SLCO5A1: variants seen among roughly 807,000 people sequenced by gnomAD.
SLCO5A1 encodes the protein organic anion transporter polypeptide-related protein 4.
In SLCO5A1, 39 loss-of-function variants were observed where a neutral mutation model predicts 65.1. That is an observed-to-expected ratio of 0.60 (90% CI 0.46 to 0.78). SLCO5A1 has a LOEUF of 0.78. Among genes scored for constraint, SLCO5A1 ranks in the 30% least tolerant of loss-of-function variants. The probability of loss-of-function intolerance (pLI) is 0.00; values close to 1 mark genes in which losing one functional copy is unlikely to be tolerated. For missense variants in SLCO5A1, 1,029 were observed against 1,069.4 expected, an observed-to-expected ratio of 0.96 and a Z score of 0.53; for synonymous variants, 438 against 415.7, an observed-to-expected ratio of 1.05 and a Z score of -0.65.
intron 2 of SLCO5A1, among the ~76,000 whole-genome samples, chr8:69,779,931 A>T (rs1226868575): frequency 2.0e-5 from 3 of 152,178 alleles, no homozygotes; most frequent in Non-Finnish European, 4.4e-5. Flanking sequence ...GATATCCAGA[A>T]TTTATAAGGA....
chr8:69,692,701 A>C (rs1471118929), intron 6 of SLCO5A1, among the ~76,000 whole-genome samples: 2 of 152,142 alleles, frequency 1.3e-5, no homozygotes, highest in Non-Finnish European at 2.9e-5. Context: ...CTACACCTAC[A>C]CAGGGTCAGG....
At chr8:69,735,763 A>G (rs925440564) in intron 5 of SLCO5A1, among the ~76,000 whole-genome samples, 2 of 152,202 alleles carry the variant, frequency 1.3e-5, no homozygotes, top group African/African-American at 4.8e-5. Context: ...GCAAACCACC[A>G]TGGCACACGT....
chr8:69,832,661 T>C lies in SLCO5A1; in HGVS notation c.13A>G (p.Thr5Ala), dbSNP rs1424390783. The C allele has an allele frequency of 6.2e-7, 1 of 1,601,246 alleles. No homozygotes were observed. Among genetic ancestry groups the C allele is most frequent in the Non-Finnish European group, 8.5e-7 (1 of 1,178,800 alleles). The stretch of plus-strand genomic sequence containing the variant: ...TCTCCCGCCCCGGGCTGCAGTCCAG[T>C]GCCTTCGTCCATGGCGCTTAGAATT... Reference protein sequence around the residue: MDEGTGLQPGAGEQL... With the variant: MDEGAGLQPGAGEQL... The change falls in exon 2 of 10, where the codon ACT (threonine) becomes GCT (alanine). Residue 5 changes from threonine to alanine, a missense_variant. This residue lies in a region of SLCO5A1 where 647 missense variants were observed against 647.5 expected (regional missense o/e 1.00). Transcript: ENST00000260126. The surrounding 1 kb of genome is among the most constrained non-coding windows in gnomAD (Gnocchi z 4.5).
At chr8:69,683,720 G>A (rs1289220375) in intron 6 of SLCO5A1, among the ~76,000 whole-genome samples, 1 of 152,040 alleles carries the variant, frequency 6.6e-6, no homozygotes, top group East Asian at 1.9e-4. Flanking sequence ...CTGCCACCAT[G>A]CCCGGCTAAT....
At chr8:69,697,990 G>A (rs1243640093) in intron 6 of SLCO5A1, among the ~76,000 whole-genome samples, 1 of 152,070 alleles carries the variant, frequency 6.6e-6, no homozygotes. Context: ...TACTCAATGG[G>A]CAGTTTTTCC....
At chr8:69,801,749 A>C (rs1332503148) in intron 2 of SLCO5A1, among the ~76,000 whole-genome samples, 2 of 152,194 alleles carry the variant, frequency 1.3e-5, no homozygotes, top group Non-Finnish European at 2.9e-5. Context: ...CCTGGTCAAA[A>C]AAATCAGTAG....
At position 69,682,272 on chromosome 8, in the gene SLCO5A1, T is replaced by C. The variant is rs1212777721; in HGVS notation, c.1694A>G (p.Glu565Gly). 35 of 1,612,430 alleles carry C rather than the reference T, an allele frequency of 2.2e-5. No individual in the cohort carries two copies. In the Admixed American group the frequency reaches 5.9e-4, roughly 27 times the overall value. Residue 565 changes from glutamate (E) to glycine (G), a missense_variant, in exon 7 of 10, where the codon GAG (glutamate) becomes GGG (glycine). Physicochemically the swap from Glu to Gly is moderately conservative, Grantham distance 98 (BLOSUM62 -2). Coordinates refer to ENST00000260126, the MANE Select transcript of SLCO5A1 (RefSeq NM_030958.3). Reference protein sequence around the residue: ...CNVNCGCKIHEYEPVCGSDGI... With the variant: ...CNVNCGCKIHGYEPVCGSDGI... ...ATCTGATCCACAGACTGGCTCATAC[T>C]CGTGTATTTTACAACCACAATTAAC...
chr8:69,824,505 G>A (rs1414008821), intron 2 of SLCO5A1, among the ~76,000 whole-genome samples: 20 of 152,216 alleles, frequency 1.3e-4, no homozygotes, highest in Admixed American at 3.9e-4. Context: ...ACACCTCTCC[G>A]CAAATAAACT....
chr8:69,670,157 A>G lies in SLCO5A1; in HGVS notation c.*2712T>C, dbSNP rs146941225. On this transcript the variant is annotated 3_prime_UTR_variant, in exon 10 of 10. Transcript: ENST00000260126. ...TATTTGCATATTAAAGCTAAATAAT[A>G]TATGAATTTACAGTTTATAAAGGAC... is the stretch of plus-strand genomic sequence containing the variant. The G allele has an allele frequency of 4.6e-5, 7 of 152,366 alleles. No homozygotes were observed. Among genetic ancestry groups the G allele is most frequent in the African/African-American group, 1.4e-4 (6 of 41,594 alleles). 9.4% of individuals were successfully genotyped at this position (152,366 alleles called of 1,614,324 possible).
rs183902406 is a variant in SLCO5A1, at chr8:69,717,731, C to T, written c.1424-12502G>A. On this transcript the variant is annotated intron_variant, in intron 5 of 9. Coordinates refer to ENST00000260126, the MANE Select transcript of SLCO5A1 (RefSeq NM_030958.3). ...AATATTAAGTCTTCCAATCCATGAA[C>T]ATGCAATGTCTTTTCATTTATTTAC... Among the ~76,000 whole-genome samples the T allele has an allele frequency of 6.5e-3, 992 of 152,278 alleles. 3 individuals are homozygous for T. Among genetic ancestry groups the T allele is most frequent in the Non-Finnish European group, 0.01 (712 of 68,006 alleles).
intron 9 of SLCO5A1, among the ~76,000 whole-genome samples, chr8:69,675,525 C>T (rs780483378): frequency 6.6e-6 from 1 of 152,062 alleles, no homozygotes; most frequent in Non-Finnish European, 1.5e-5. Flanking sequence ...TTCCTTTAAA[C>T]AGCATGTTTT....
intron 2 of SLCO5A1, 33 bp from the exon 3 acceptor site, chr8:69,761,908 G>C: frequency 6.2e-7 from 1 of 1,607,954 alleles, no homozygotes; most frequent in Non-Finnish European, 8.5e-7. Context: ...GTGAAATACA[G>C]CGACGTTTTA....
chr8:69,771,422 T>G (rs1818316466), intron 2 of SLCO5A1, among the ~76,000 whole-genome samples: 1 of 152,244 alleles, frequency 6.6e-6, no homozygotes, highest in Non-Finnish European at 1.5e-5. Context: ...TGCCTACTTT[T>G]TTAGTGCTGT....
At chr8:69,823,329 A>G (rs573872670) in intron 2 of SLCO5A1, among the ~76,000 whole-genome samples, 9 of 151,048 alleles carry the variant, frequency 6.0e-5, no homozygotes, top group African/African-American at 2.2e-4. Flanking sequence ...AGACTGGCAA[A>G]TTGGATAAAG....
intron 5 of SLCO5A1, among the ~76,000 whole-genome samples, chr8:69,724,748 C>T (rs1283719420): frequency 6.6e-6 from 1 of 152,170 alleles, no homozygotes; most frequent in Non-Finnish European, 1.5e-5. Flanking sequence ...CCAGGATATT[C>T]ATTAGCTCAG....
At chr8:69,786,569 A>C (rs950649656) in intron 2 of SLCO5A1, among the ~76,000 whole-genome samples, 2 of 152,234 alleles carry the variant, frequency 1.3e-5, no homozygotes, top group African/African-American at 4.8e-5. Context: ...AATACTATTC[A>C]TTAGTAAGAA....
intron 2 of SLCO5A1, among the ~76,000 whole-genome samples, chr8:69,781,599 C>T (rs1476356841): frequency 6.6e-6 from 1 of 152,144 alleles, no homozygotes; most frequent in Non-Finnish European, 1.5e-5. Context: ...TTAATCTTCA[C>T]TTCAACCTTA....
At chr8:69,697,149 C>A (rs982913182) in intron 6 of SLCO5A1, among the ~76,000 whole-genome samples, 3 of 152,288 alleles carry the variant, frequency 2.0e-5, no homozygotes, top group African/African-American at 7.2e-5. Context: ...AGCCCTGTGC[C>A]GAGGCACTCA....
chr8:69,763,760 T>A (rs1391384402), intron 2 of SLCO5A1, among the ~76,000 whole-genome samples: 1 of 152,060 alleles, frequency 6.6e-6, no homozygotes, highest in Non-Finnish European at 1.5e-5. Context: ...TTTGTCAATT[T>A]TAAAATTTTA....
Sources: allele counts gnomAD v4.1 joint callset (sites outside exome capture counted in the v4.1 genomes callset), GRCh38; gene constraint gnomAD v4.1.1; regional missense constraint gnomAD v4.1.1; non-coding constraint Gnocchi (gnomAD v3.1); transcripts MANE v1.5; gene names NCBI Gene and HGNC (gene_info 2026-07-23, HGNC 2026-07-21).